CLVS1: variants seen among roughly 807,000 people sequenced by gnomAD.
CLVS1 encodes clavesin-1.
CLVS1 carries 10 observed loss-of-function variants against 33.1 expected under a neutral mutation model. The observed-to-expected ratio is 0.30, with a 90% CI of 0.19 to 0.51. The LOEUF (loss-of-function observed/expected upper bound fraction) is 0.51. Ranked by LOEUF, CLVS1 falls within the 20% of genes least tolerant of loss-of-function variation. The pLI is 0.97. For synonymous variants in CLVS1, 163 were observed against 166.1 expected, an observed-to-expected ratio of 0.98 and a Z score of 0.14; for missense variants, 343 against 433.4, an observed-to-expected ratio of 0.79 and a Z score of 1.85.
rs1014879052 is a variant in CLVS1, at chr8:61,067,133, C to G, written c.-243+9903C>G. Among the ~76,000 whole-genome samples the G allele has an allele frequency of 4.6e-4, 70 of 152,286 alleles. 1 individual carries two copies. Among genetic ancestry groups the G allele is most frequent in the African/African-American group, 1.5e-3 (64 of 41,560 alleles). On this transcript the variant is annotated intron_variant, in intron 1 of 2. Coordinates refer to the CLVS1 transcript ENST00000522621. ...GGGATGAAATAATTTCTCCTACACC[C>G]TGACCTGTATTGACTGCACTTTCTC...
intron 1 of CLVS1, among the ~76,000 whole-genome samples, chr8:61,066,142 A>G (rs1354639328): frequency 6.6e-6 from 1 of 152,186 alleles, no homozygotes; most frequent in Non-Finnish European, 1.5e-5. Context: ...GTGTTGTATC[A>G]TCTATATTGT....
At chr8:61,116,137 A>AT (rs1381468027) in intron 1 of CLVS1, among the ~76,000 whole-genome samples, 1 of 151,820 alleles carries the variant, frequency 6.6e-6, no homozygotes, top group African/African-American at 2.4e-5. Flanking sequence ...GATGATGAGC[A>AT]TTTTTTCATG....
the CLVS1 span, among the ~76,000 whole-genome samples, chr8:60,996,848 C>A: frequency 5.9e-5 from 9 of 152,268 alleles, no homozygotes; most frequent in African/African-American, 2.2e-4. Flanking sequence ...CCTCTACATC[C>A]TGACCTTCTC....
intron 2 of CLVS1, among the ~76,000 whole-genome samples, chr8:61,309,266 G>A (rs528142967): frequency 1.3e-5 from 2 of 152,278 alleles, no homozygotes; most frequent in Non-Finnish European, 2.9e-5. Flanking sequence ...ACCAATTGAC[G>A]AGGCTTGTTA....
intron 3 of CLVS1, among the ~76,000 whole-genome samples, chr8:61,413,493 A>G (rs908621695): frequency 2.0e-5 from 3 of 152,230 alleles, no homozygotes; most frequent in Non-Finnish European, 4.4e-5. Flanking sequence ...CATTAATTAC[A>G]GAAATGATCC....
chr8:61,198,079 T>C (rs969502498), intron 2 of CLVS1, among the ~76,000 whole-genome samples: 1 of 151,524 alleles, frequency 6.6e-6, no homozygotes, highest in Non-Finnish European at 1.5e-5. Flanking sequence ...GGTGCTATTC[T>C]GTGTGCAGAT....
chr8:61,305,606 T>C (rs962388662), intron 2 of CLVS1, among the ~76,000 whole-genome samples: 13 of 152,212 alleles, frequency 8.5e-5, no homozygotes, highest in Non-Finnish European at 1.9e-4. Context: ...GTTTGTTACG[T>C]AGGTAAACTT....
At chr8:61,405,498 G>T (rs962713860) in intron 3 of CLVS1, among the ~76,000 whole-genome samples, 3 of 152,116 alleles carry the variant, frequency 2.0e-5, no homozygotes, top group African/African-American at 7.2e-5. Context: ...TTCTGGCCAG[G>T]TGCAGCAGCT....
chr8:61,032,255 G>A, the CLVS1 span, among the ~76,000 whole-genome samples: 1 of 152,206 alleles, frequency 6.6e-6, no homozygotes, highest in Non-Finnish European at 1.5e-5. Flanking sequence ...GCAGGAAGGG[G>A]CCTGGGGCTT....
chr8:61,258,822 C>T (rs1338274071), intron 2 of CLVS1, among the ~76,000 whole-genome samples: 2 of 152,150 alleles, frequency 1.3e-5, no homozygotes, highest in East Asian at 3.8e-4. Flanking sequence ...AATTAACATT[C>T]TTGTTCCTAT....
chr8:61,007,631 T>C, the CLVS1 span, among the ~76,000 whole-genome samples: 7 of 152,260 alleles, frequency 4.6e-5, no homozygotes, highest in African/African-American at 1.7e-4. Context: ...TGATGCTCTG[T>C]AAGGTCATCT....
chr8:61,440,833 C>G (rs933439202), intron 3 of CLVS1, among the ~76,000 whole-genome samples: 5 of 152,208 alleles, frequency 3.3e-5, no homozygotes, highest in Non-Finnish European at 7.3e-5. Flanking sequence ...TCAACAGTGC[C>G]TTCTAGGAAC....
chr8:61,074,580 A>T (rs1213684213), intron 1 of CLVS1, among the ~76,000 whole-genome samples: 2 of 151,308 alleles, frequency 1.3e-5, no homozygotes, highest in African/African-American at 2.4e-5. Flanking sequence ...AGCTCAACCT[A>T]TGTCTTTGCT....
At chr8:61,085,789 C>T (rs1805110381) in intron 1 of CLVS1, among the ~76,000 whole-genome samples, 3 of 150,732 alleles carry the variant, frequency 2.0e-5, no homozygotes, top group African/African-American at 2.4e-5. Context: ...TTTGGGAGGC[C>T]GAGGCGGGCG....
At chr8:61,463,154 G>T (rs919400724) in intron 5 of CLVS1, among the ~76,000 whole-genome samples, 3 of 152,112 alleles carry the variant, frequency 2.0e-5, no homozygotes, top group African/African-American at 7.2e-5. Flanking sequence ...ACCAACCTCT[G>T]CTAGCTTCCA....
At chr8:61,104,892 G>A (rs1204360185) in intron 1 of CLVS1, among the ~76,000 whole-genome samples, 1 of 152,110 alleles carries the variant, frequency 6.6e-6, no homozygotes, top group Non-Finnish European at 1.5e-5. Flanking sequence ...GCAATGGTAT[G>A]ATCTCGGCTC....
chr8:60,999,923 A>G, the CLVS1 span, among the ~76,000 whole-genome samples: 1 of 152,226 alleles, frequency 6.6e-6, no homozygotes, highest in Non-Finnish European at 1.5e-5. Flanking sequence ...AAGTCTAACA[A>G]CTTTCTGTTG....
chr8:61,281,240 A>G (rs1809665025), intron 2 of CLVS1, among the ~76,000 whole-genome samples: 1 of 152,208 alleles, frequency 6.6e-6, no homozygotes, highest in Admixed American at 6.5e-5. Flanking sequence ...GCTGTTCATC[A>G]CCTAAAGGGT....
At chr8:61,006,696 C>G in the CLVS1 span, among the ~76,000 whole-genome samples, 2 of 152,146 alleles carry the variant, frequency 1.3e-5, no homozygotes, top group Non-Finnish European at 2.9e-5. Flanking sequence ...TTGTCGGTGT[C>G]TATATAAAAC....
Sources: allele counts gnomAD v4.1 joint callset (sites outside exome capture counted in the v4.1 genomes callset), GRCh38; gene constraint gnomAD v4.1.1; transcripts MANE v1.5; gene names NCBI Gene and HGNC (gene_info 2026-07-23, HGNC 2026-07-21).